The following TMEM63C variants were observed in gnomAD, a reference collection of about 807,000 sequenced individuals.
TMEM63C encodes transmembrane protein 63C.
Under a neutral mutation model 99.2 loss-of-function variants are expected in TMEM63C, and 32 were observed. That is an observed-to-expected ratio of 0.32 (90% CI 0.24 to 0.43). TMEM63C has a LOEUF of 0.43. TMEM63C is among the 20% of genes least tolerant of loss of function. The pLI, the probability that TMEM63C is intolerant of heterozygous loss-of-function variation, is 1.00. For synonymous variants in TMEM63C, 376 were observed against 397.9 expected, an observed-to-expected ratio of 0.94 and a Z score of 0.66; for missense variants, 826 against 1,053.0, an observed-to-expected ratio of 0.78 and a Z score of 2.98.
At position 77,242,910 on chromosome 14, in the gene TMEM63C, C is replaced by A; in HGVS notation, c.1195C>A (p.Leu399Met). Residue 399 changes from leucine (L) to methionine (M), a missense_variant, in exon 15 of 24, where the codon CTG becomes ATG. Coordinates refer to ENST00000298351, the MANE Select transcript of TMEM63C (RefSeq NM_020431.4). ...PHPKDIIWKH[L>M]SVRRFFWWAR... ...TCTTCCATCCTTCCCCAGGAAACAC[C>A]TGTCTGTCCGCCGCTTCTTTTGGTG... 2 of 1,614,034 alleles carry A rather than the reference C, an allele frequency of 1.2e-6. No individual in the cohort carries two copies. Among genetic ancestry groups the A allele is most frequent in the Non-Finnish European group, 1.7e-6 (2 of 1,179,900 alleles).
chr14:77,188,171 G>A (rs1366333465), intron 1 of TMEM63C, among the ~76,000 whole-genome samples: 1 of 152,056 alleles, frequency 6.6e-6, no homozygotes, highest in African/African-American at 2.4e-5. Context: ...CTACCTCCTT[G>A]ATGAAGCCCT....
chr14:77,210,110 T>C (rs952148382), intron 1 of TMEM63C, among the ~76,000 whole-genome samples: 1 of 152,208 alleles, frequency 6.6e-6, no homozygotes, highest in African/African-American at 2.4e-5. Flanking sequence ...TTTTGGATCA[T>C]CAAGAACTCC....
chr14:77,192,440 T>G (rs1406600053), intron 1 of TMEM63C, among the ~76,000 whole-genome samples: 1 of 152,172 alleles, frequency 6.6e-6, no homozygotes, highest in African/African-American at 2.4e-5. Flanking sequence ...CAAATCGGAA[T>G]TTTGAATTTA....
At chr14:77,227,576 G>A (rs895814599) in intron 6 of TMEM63C, among the ~76,000 whole-genome samples, 7 of 152,184 alleles carry the variant, frequency 4.6e-5, no homozygotes, top group Non-Finnish European at 1.0e-4. Flanking sequence ...TTGAAGTCAT[G>A]GGAGCAGATG....
chr14:77,222,188 A>C (rs1417158750), intron 5 of TMEM63C, among the ~76,000 whole-genome samples: 2 of 152,184 alleles, frequency 1.3e-5, no homozygotes, highest in Non-Finnish European at 2.9e-5. Context: ...CATTTGTCCA[A>C]AACATTTCAT....
At chr14:77,243,204 G>C in intron 15 of TMEM63C, 148 bp downstream of exon 15, 1 of 975,252 alleles carries the variant, frequency 1.0e-6, no homozygotes, top group East Asian at 2.6e-5. Context: ...TGCAAATGGC[G>C]GGGTAGGGCT....
Position 77,248,350 on chromosome 14 carries a change from T to C in TMEM63C, c.1605T>C (p.Cys535=). The change falls in exon 19 of 24, where the codon TGT becomes TGC. Residue 535 remains cysteine, a synonymous_variant. Transcript: ENST00000298351. ...TTCCCTCTCCCTCACTGCCCAGGTG[T>C]GTGTTCCTGCCAGACAACGGCGCCT... ...YLEQASIRFQ[C]VFLPDNGAFF... 6.2e-7 allele frequency: 1 copy of C among 1,609,288 alleles called. No individual in the cohort carries two copies. Among genetic ancestry groups the C allele is most frequent in the Non-Finnish European group, 8.5e-7 (1 of 1,177,802 alleles).
At position 77,242,908 on chromosome 14, in the gene TMEM63C, A is replaced by G; in HGVS notation, c.1193A>G (p.His398Arg). ...CTTCTTCCATCCTTCCCCAGGAAAC[A>G]CCTGTCTGTCCGCCGCTTCTTTTGG... ...APHPKDIIWK[H>R]LSVRRFFWWA... The change falls in exon 15 of 24, where the codon CAC becomes CGC. Residue 398 changes from histidine (H) to arginine (R), a missense_variant. His to Arg is a conservative substitution (Grantham distance 29, BLOSUM62 0). Transcript: ENST00000298351. 6.2e-7 allele frequency: 1 copy of G among 1,613,832 alleles called. No homozygotes were observed.
rs1889126327 is a variant in TMEM63C, at chr14:77,239,593, C to A, written c.807-10C>A. The A allele has an allele frequency of 6.2e-7, 1 of 1,613,392 alleles. No homozygotes were observed. The highest frequency in any genetic ancestry group is 8.5e-7 in the Non-Finnish European group (1 of 1,179,744). On this transcript the variant is annotated splice_polypyrimidine_tract_variant and intron_variant, in intron 11 of 23. Transcript: ENST00000298351. ...CTGCAGGTCCTTCTCCTGTTGCCCA[C>A]CGCTGGCAGGCGCCATGCCATGCGG...
rs1889370012 is a variant in TMEM63C, at chr14:77,251,978, C to G, written c.2148+80C>G. The stretch of plus-strand genomic sequence containing the variant: ...CTGTAGGATACTCTCCAGGTCTGGG[C>G]TCCCATAGCACCACAGGATGAAAGG... On this transcript the variant is annotated intron_variant, in intron 22 of 23. Transcript: ENST00000298351. The G allele has an allele frequency of 7.0e-6, 8 of 1,145,622 alleles. No individual in the cohort carries two copies. In the South Asian group the frequency reaches 8.6e-5, roughly 12 times the overall value. 71.0% of individuals were successfully genotyped at this position (1,145,622 alleles called of 1,614,324 possible).
At chr14:77,209,084 A>G (rs978816839) in intron 1 of TMEM63C, among the ~76,000 whole-genome samples, 4 of 152,126 alleles carry the variant, frequency 2.6e-5, no homozygotes, top group Non-Finnish European at 5.9e-5. Flanking sequence ...AAAAGCAACA[A>G]CTTAGTTTGT....
At chr14:77,245,173 C>T (rs1006282579) in intron 16 of TMEM63C, among the ~76,000 whole-genome samples, 18 of 152,328 alleles carry the variant, frequency 1.2e-4, no homozygotes, top group South Asian at 8.3e-4. Flanking sequence ...ACTGAAACTG[C>T]AGGGATTTTT....
rs138507925 is a variant in TMEM63C, at chr14:77,256,224, C to T, written c.2221-302C>T. Reference sequence around the variant, plus strand: ...TCAGCTGAGGGGAGCCTCATGTCACCTCCCCTGGATGCAGCTTGACTTGGA... The same window carrying T: ...TCAGCTGAGGGGAGCCTCATGTCACTTCCCCTGGATGCAGCTTGACTTGGA... On this transcript the variant is annotated intron_variant, in intron 23 of 23. Transcript: ENST00000298351. Among the ~76,000 whole-genome samples, 352 of 152,320 alleles carry T rather than the reference C, an allele frequency of 2.3e-3. 2 individuals are homozygous for T. The highest frequency in any genetic ancestry group is 8.3e-3 in the African/African-American group (344 of 41,558).
At chr14:77,242,154 G>A (rs762471461) in intron 13 of TMEM63C, among the ~76,000 whole-genome samples, 193 bp from the exon 14 acceptor site, 2 of 152,188 alleles carry the variant, frequency 1.3e-5, no homozygotes, top group Non-Finnish European at 2.9e-5. Context: ...CTTTCCTCCA[G>A]ATACTGGGCC....
At chr14:77,192,146 T>C (rs1215508858) in intron 1 of TMEM63C, among the ~76,000 whole-genome samples, 3 of 152,234 alleles carry the variant, frequency 2.0e-5, no homozygotes, top group Non-Finnish European at 2.9e-5. Context: ...GGAATGACTT[T>C]TTCCATCCTT....
chr14:77,256,416 G>A (rs945135549), intron 23 of TMEM63C, 110 bp from the exon 24 acceptor site: 2 of 1,056,538 alleles, frequency 1.9e-6, no homozygotes, highest in African/African-American at 3.1e-5. Context: ...CAGGCTCCAA[G>A]GTCTGGAGGA....
intron 1 of TMEM63C, among the ~76,000 whole-genome samples, chr14:77,199,311 T>C (rs1254027784): frequency 6.6e-6 from 1 of 152,192 alleles, no homozygotes; most frequent in Non-Finnish European, 1.5e-5. Context: ...CCAGCCCAGA[T>C]AATGCCATGC....
chr14:77,248,652 T>G, intron 19 of TMEM63C, 115 bp from the exon 20 acceptor site: 2 of 1,496,084 alleles, frequency 1.3e-6, no homozygotes, highest in South Asian at 1.1e-5. Flanking sequence ...GTCTACAGGG[T>G]TGGAAAGGAG....
intron 1 of TMEM63C, among the ~76,000 whole-genome samples, chr14:77,197,557 A>G (rs903670623): frequency 2.0e-5 from 3 of 152,226 alleles, no homozygotes; most frequent in Non-Finnish European, 2.9e-5. Flanking sequence ...AACTACGGTA[A>G]TATCTGTAAA....
Sources: allele counts gnomAD v4.1 joint callset (sites outside exome capture counted in the v4.1 genomes callset), GRCh38; gene constraint gnomAD v4.1.1; transcripts MANE v1.5; gene names NCBI Gene and HGNC (gene_info 2026-07-23, HGNC 2026-07-21).